Variants in MCF2L observed in about 807,000 individuals in gnomAD.
MCF2L encodes the protein MCF.2 cell line derived transforming sequence like, also known as guanine nucleotide exchange factor DBS.
A neutral mutation model predicts 153.4 loss-of-function variants in MCF2L; 97 were observed. The observed-to-expected ratio is 0.63, with a 90% CI of 0.54 to 0.75. The LOEUF (loss-of-function observed/expected upper bound fraction) is 0.75, where lower values mean the gene tolerates loss of function less well. MCF2L is among the 30% of genes least tolerant of loss of function. The probability of loss-of-function intolerance (pLI) is 0.00; values close to 1 mark genes in which losing one functional copy is unlikely to be tolerated. For synonymous variants in MCF2L, 659 were observed against 632.2 expected (o/e 1.04, Z -0.64); for missense variants, 1,347 against 1,495.2 (o/e 0.90, Z 1.64).
intron 1 of MCF2L, chr13:113,001,525 C>A (rs895645062): frequency 4.3e-6 from 1 of 231,584 alleles, no homozygotes; most frequent in African/African-American, 2.3e-5. Context: ...CTAAGCATGG[C>A]CCCTGCCAGC....
Position 112,895,884 on chromosome 13 carries a change from G to A in MCF2L, c.-5+1453G>A, listed in dbSNP as rs187598367. On this transcript the variant is annotated intron_variant, in intron 1 of 29. Transcript: ENST00000375608. Reference sequence around the variant, plus strand: ...CGGTCCCGGTGTCCCCGATTTCACCGGGCTGTGTAGGGGCCCAGGTGTCCG... The same window carrying A: ...CGGTCCCGGTGTCCCCGATTTCACCAGGCTGTGTAGGGGCCCAGGTGTCCG... 1.5e-3 allele frequency among the ~76,000 whole-genome samples: 235 copies of A among 152,224 alleles called. 1 individual carries two copies. The highest frequency in any genetic ancestry group is 5.3e-3 in the African/African-American group (221 of 41,540).
intron 7 of MCF2L, 122 bp from the exon 8 acceptor site, chr13:113,065,924 T>G (rs1594908547): frequency 1.5e-5 from 15 of 996,158 alleles, no homozygotes; most frequent in South Asian, 2.0e-5. Context: ...GACTCGGGGG[T>G]CGGGGATTGA....
chr13:113,047,864 G>A (rs958380607), intron 4 of MCF2L, among the ~76,000 whole-genome samples: 4 of 151,816 alleles, frequency 2.6e-5, no homozygotes, highest in South Asian at 2.1e-4. Context: ...GCCTCACTAC[G>A]CGTGCCCCAG....
In MCF2L at chr13:113,097,027, G is replaced by A. The variant is rs2476320; in HGVS notation, c.*168G>A. On this transcript the variant is annotated 3_prime_UTR_variant, in exon 30 of 30. Transcript: ENST00000535094. ...CGGGGCAGAGGCAGGTTCCACGGAA[G>A]ACCCCGGCCCGCTGGGGCTTCCCCG... 338,128 of 422,726 alleles carry A rather than the reference G, an allele frequency of 0.8. 137,484 individuals are homozygous for A. The highest frequency in any genetic ancestry group is 0.95 in the East Asian group (22,633 of 23,884). The allele number at this position is 422,726 out of a possible 1,614,324, so 26.2% of individuals were successfully genotyped here.
chr13:112,924,643 A>G (rs1362355235), intron 2 of MCF2L, among the ~76,000 whole-genome samples: 1 of 152,236 alleles, frequency 6.6e-6, no homozygotes, highest in African/African-American at 2.4e-5. Flanking sequence ...GAAGCTCCAC[A>G]TGACAAAGAC....
At chr13:112,896,168 G>A (rs2140481931) in intron 1 of MCF2L, among the ~76,000 whole-genome samples, 1 of 152,344 alleles carries the variant, frequency 6.6e-6, no homozygotes. Context: ...AGAGGGGAAG[G>A]GGCACAGTCA....
intron 7 of MCF2L, among the ~76,000 whole-genome samples, chr13:113,065,719 C>T (rs776827847): frequency 2.2e-4 from 33 of 152,318 alleles, no homozygotes; most frequent in Middle Eastern, 6.8e-3. Flanking sequence ...CTGTGCTCAC[C>T]GGGCCGCTCC....
intron 26 of MCF2L, 41 bp from the exon 27 acceptor site, chr13:113,094,473 T>C (rs1331339542): frequency 6.3e-7 from 1 of 1,579,320 alleles, no homozygotes; most frequent in Non-Finnish European, 8.6e-7. Flanking sequence ...AGACAGCGGC[T>C]CATCACCGGG....
At chr13:112,961,534 C>CCGTT (rs2081826140) in intron 2 of MCF2L, among the ~76,000 whole-genome samples, 1 of 152,246 alleles carries the variant, frequency 6.6e-6, no homozygotes, top group African/African-American at 2.4e-5. Flanking sequence ...ACTGGCCCTG[C>CCGTT]CGTTCCCTTC....
intron 12 of MCF2L, 123 bp from the exon 13 acceptor site, chr13:113,076,929 A>G: frequency 9.5e-7 from 1 of 1,049,618 alleles, no homozygotes; most frequent in African/African-American, 1.6e-5. Context: ...GCGCTGACAG[A>G]CCCCGCATGG....
chr13:112,928,454 C>A (rs1165201781), intron 2 of MCF2L, among the ~76,000 whole-genome samples: 2 of 152,172 alleles, frequency 1.3e-5, no homozygotes, highest in Non-Finnish European at 1.5e-5. Context: ...GTGCACAGAG[C>A]CTATTTCTGT....
Position 112,969,291 on chromosome 13 carries a change from G to A in MCF2L, c.-89G>A. 5.7e-5 allele frequency: 86 copies of A among 1,514,434 alleles called. No homozygotes were observed. Among genetic ancestry groups the A allele is most frequent in the Non-Finnish European group, 7.4e-5 (83 of 1,124,538 alleles). The allele number at this position is 1,514,434 out of a possible 1,614,324, so 93.8% of individuals were successfully genotyped here. A position where few individuals can be genotyped will look rare whatever the true frequency, so the allele number is the denominator to read the frequency against. On this transcript the variant is annotated 5_prime_UTR_variant, in exon 1 of 30. Transcript: ENST00000535094. The surrounding 1 kb of genome is among the most constrained non-coding windows in gnomAD (Gnocchi z 4.8). The stretch of plus-strand genomic sequence containing the variant: ...GTGGCCCCCTCCCCGCCTCCGCCGC[G>A]CCCCCTCCGCACTCGCACGGCCCCA...
At chr13:113,065,997 G>A (rs1044695639) in intron 7 of MCF2L, 49 bp from the exon 8 acceptor site, 8 of 1,592,772 alleles carry the variant, frequency 5.0e-6, no homozygotes, top group Non-Finnish European at 6.0e-6. Flanking sequence ...ACCAGCCTGC[G>A]CTGTGTGCCT....
chr13:112,928,275 C>A (rs542424765), intron 2 of MCF2L, among the ~76,000 whole-genome samples: 1 of 152,172 alleles, frequency 6.6e-6, no homozygotes, highest in African/African-American at 2.4e-5. Flanking sequence ...TTTTTGCACT[C>A]GTTTGAAATT....
intron 2 of MCF2L, among the ~76,000 whole-genome samples, chr13:113,023,612 T>G (rs2085043332): frequency 6.6e-6 from 1 of 152,182 alleles, no homozygotes; most frequent in African/African-American, 2.4e-5. Context: ...CCATTATCTG[T>G]TCTCCATAAA....
rs2034841089 is a variant in MCF2L at position 113,088,349 on chromosome 13, C to G, written c.2711C>G (p.Ala904Gly). ...CAGGCGCCAACTCCTGAGATTAAAGCCGCGTGGGTGAATGAAATTCGGAAA... is the reference window on the plus strand; with the variant it reads ...CAGGCGCCAACTCCTGAGATTAAAGGCGCGTGGGTGAATGAAATTCGGAAA... ...IVQAPTPEIK[A>G]AWVNEIRKVL... The change falls in exon 24 of 30, where the codon GCC becomes GGC. Residue 904 changes from alanine to glycine, a missense_variant. By Grantham distance (60) the Ala-to-Gly change is moderately conservative (BLOSUM62 0). This residue lies in a region of MCF2L where 383 missense variants were observed against 335.4 expected (regional missense o/e 1.14). Transcript: ENST00000535094. 2 of 1,613,904 alleles carry G rather than the reference C, an allele frequency of 1.2e-6. No homozygotes were observed. Among genetic ancestry groups the G allele is most frequent in the Non-Finnish European group, 8.5e-7 (1 of 1,180,044 alleles).
At chr13:112,971,043 C>G (rs2082022644) in intron 1 of MCF2L, among the ~76,000 whole-genome samples, 2 of 152,208 alleles carry the variant, frequency 1.3e-5, no homozygotes, top group Non-Finnish European at 2.9e-5. Context: ...ACTCCACTTA[C>G]CACCCATTAA....
At chr13:112,910,775 C>A (rs2081222509) in intron 2 of MCF2L, among the ~76,000 whole-genome samples, 1 of 152,382 alleles carries the variant, frequency 6.6e-6, no homozygotes, top group Middle Eastern at 3.4e-3. Context: ...GCCGCTGACG[C>A]TAGTGGAGAG....
intron 2 of MCF2L, among the ~76,000 whole-genome samples, chr13:112,913,385 GC>G (rs1326200140): frequency 6.6e-6 from 1 of 152,064 alleles, no homozygotes; most frequent in African/African-American, 2.4e-5. Context: ...ACCTCACCTG[GC>G]AAAACAAAAA....
Sources: gnomAD v4.1 joint callset for allele counts (sites outside exome capture counted in the v4.1 genomes callset) on GRCh38, gnomAD v4.1.1 for gene constraint, gnomAD v4.1.1 regional missense constraint, Gnocchi (gnomAD v3.1) non-coding constraint, MANE v1.5 for transcripts, NCBI Gene and HGNC (gene_info 2026-07-23, HGNC 2026-07-21) for gene names.